The following ADGRL2 variants were observed in gnomAD, a reference collection of about 807,000 sequenced individuals.
ADGRL2 encodes the protein calcium-independent alpha-latrotoxin receptor 2.
ADGRL2 carries 44 observed loss-of-function variants against 157.4 expected under a neutral mutation model. That is an observed-to-expected ratio of 0.28 (90% CI 0.22 to 0.36). The LOEUF (loss-of-function observed/expected upper bound fraction) is 0.36, where lower values mean the gene tolerates loss of function less well. Ranked by LOEUF, ADGRL2 falls within the 10% of genes least tolerant of loss-of-function variation. The pLI is 1.00. For synonymous variants in ADGRL2, 585 were observed against 624.7 expected, an observed-to-expected ratio of 0.94 and a Z score of 0.95; for missense variants, 1,510 against 1,768.9, an observed-to-expected ratio of 0.85 and a Z score of 2.63.
At chr1:81,463,961 A>G (rs2077995688) in intron 2 of ADGRL2, among the ~76,000 whole-genome samples, 1 of 151,888 alleles carries the variant, frequency 6.6e-6, no homozygotes, top group African/African-American at 2.4e-5. Flanking sequence ...TTTCCTTCCT[A>G]CTTCCTCTCT....
intron 1 of ADGRL2, among the ~76,000 whole-genome samples, chr1:81,371,465 T>C (rs1453991599): frequency 2.0e-5 from 3 of 152,208 alleles, no homozygotes; most frequent in Non-Finnish European, 4.4e-5. Context: ...CCACTAAAAA[T>C]CTTACACGTT....
chr1:81,851,254 A>G (rs1450263241), intron 2 of ADGRL2, among the ~76,000 whole-genome samples: 2 of 151,954 alleles, frequency 1.3e-5, no homozygotes, highest in Non-Finnish European at 1.5e-5. Context: ...GTAATAACCT[A>G]CACTGAAGTC....
chr1:81,707,048 A>T (rs9725841), intron 1 of ADGRL2, among the ~76,000 whole-genome samples: 19,393 of 152,172 alleles, frequency 0.13, 1,294 homozygotes, highest in South Asian at 0.15. Context: ...AGGGTGAGGA[A>T]AGTAGTACAA....
chr1:81,322,882 C>T lies in ADGRL2; in HGVS notation c.-302+16373C>T, dbSNP rs751650458. Among the ~76,000 whole-genome samples the T allele has an allele frequency of 5.9e-5, 9 of 152,006 alleles. No individual in the cohort carries two copies. The South Asian group carries it at 6.2e-4, about 10-fold the overall frequency. On this transcript the variant is annotated intron_variant, in intron 1 of 24. Coordinates refer to the ADGRL2 transcript ENST00000370721. ...TGTTTTTTGTTTGTTTGTTGAGACA[C>T]GGCCTCACTCTGTTGCCCAGGCTGG... is the stretch of plus-strand genomic sequence containing the variant.
At chr1:81,656,024 C>G (rs189493104) in intron 3 of ADGRL2, among the ~76,000 whole-genome samples, 12 of 152,326 alleles carry the variant, frequency 7.9e-5, no homozygotes, top group African/African-American at 2.4e-4. Context: ...CTCCTTCAAA[C>G]AGAGTATACC....
intron 2 of ADGRL2, among the ~76,000 whole-genome samples, chr1:81,547,842 C>T (rs2080055285): frequency 6.6e-6 from 1 of 152,184 alleles, no homozygotes; most frequent in African/African-American, 2.4e-5. Context: ...AGTGTCAGTG[C>T]TTTAATTTAC....
chr1:81,789,875 T>TA (rs1468884760), intron 2 of ADGRL2, among the ~76,000 whole-genome samples: 1 of 152,148 alleles, frequency 6.6e-6, no homozygotes, highest in African/African-American at 2.4e-5. Context: ...AAAAATTGGT[T>TA]AAAAAGGCTT....
chr1:81,307,588 G>A (rs968398622), intron 1 of ADGRL2, among the ~76,000 whole-genome samples: 2 of 152,032 alleles, frequency 1.3e-5, no homozygotes, highest in East Asian at 1.9e-4. Flanking sequence ...TTGACATGTG[G>A]CTATGACAAG....
intron 20 of ADGRL2, among the ~76,000 whole-genome samples, chr1:81,985,008 A>C (rs1228773313): frequency 6.6e-6 from 1 of 152,102 alleles, no homozygotes; most frequent in East Asian, 1.9e-4. Context: ...TTGAATAATC[A>C]GTGATCTCCA....
intron 2 of ADGRL2, among the ~76,000 whole-genome samples, chr1:81,492,833 A>G (rs1358318505): frequency 6.6e-6 from 1 of 152,214 alleles, no homozygotes; most frequent in Admixed American, 6.5e-5. Flanking sequence ...GTAGGGACTG[A>G]TGAATAGAGT....
At chr1:81,828,776 T>A (rs935528000) in intron 1 of ADGRL2, among the ~76,000 whole-genome samples, 6 of 152,218 alleles carry the variant, frequency 3.9e-5, no homozygotes, top group Admixed American at 2.6e-4. Context: ...TAAATTTTAA[T>A]TTAATGGAAG....
chr1:81,707,388 G>A (rs529512842), intron 1 of ADGRL2, among the ~76,000 whole-genome samples: 3 of 152,240 alleles, frequency 2.0e-5, no homozygotes, highest in Non-Finnish European at 2.9e-5. Context: ...ATCCTCATAG[G>A]AGAATGTGAA....
intron 2 of ADGRL2, among the ~76,000 whole-genome samples, chr1:81,497,137 A>C (rs1333845283): frequency 2.6e-5 from 4 of 152,198 alleles, no homozygotes; most frequent in Non-Finnish European, 5.9e-5. Context: ...ATTTTTTGCC[A>C]TAACACTGTG....
At chr1:81,553,256 A>G (rs1226875905) in intron 2 of ADGRL2, among the ~76,000 whole-genome samples, 1 of 152,228 alleles carries the variant, frequency 6.6e-6, no homozygotes, top group Admixed American at 6.5e-5. Flanking sequence ...TATAATAAAG[A>G]TTAGATTATA....
intron 2 of ADGRL2, among the ~76,000 whole-genome samples, chr1:81,876,287 A>T (rs1163479368): frequency 1.3e-5 from 2 of 152,112 alleles, no homozygotes; most frequent in Non-Finnish European, 2.9e-5. Context: ...TTGTAAGTTA[A>T]ATACCTTTTA....
At chr1:81,685,765 G>T (rs2083216199) in intron 3 of ADGRL2, among the ~76,000 whole-genome samples, 1 of 152,192 alleles carries the variant, frequency 6.6e-6, no homozygotes, top group Non-Finnish European at 1.5e-5. Flanking sequence ...TATGTTGGCT[G>T]TGGGTTTGAC....
intron 2 of ADGRL2, among the ~76,000 whole-genome samples, chr1:81,542,111 T>G (rs952068963): frequency 1.4e-4 from 22 of 152,230 alleles, no homozygotes; most frequent in Non-Finnish European, 2.6e-4. Flanking sequence ...TTATTGGCAT[T>G]GGAGAACTTC....
chr1:81,911,883 T>G (rs2094731498), intron 3 of ADGRL2, among the ~76,000 whole-genome samples: 1 of 150,660 alleles, frequency 6.6e-6, no homozygotes, highest in Non-Finnish European at 1.5e-5. Flanking sequence ...CCCATTTTTT[T>G]TTTTTTTTTT....
chr1:81,339,151 G>A (rs1014215760), intron 1 of ADGRL2, among the ~76,000 whole-genome samples: 4 of 152,172 alleles, frequency 2.6e-5, no homozygotes, highest in South Asian at 2.1e-4. Flanking sequence ...TATGTATTAA[G>A]AGATAAGGCC....
Sources: allele counts gnomAD v4.1 joint callset (sites outside exome capture counted in the v4.1 genomes callset), GRCh38; gene constraint gnomAD v4.1.1; transcripts MANE v1.5; gene names NCBI Gene and HGNC (gene_info 2026-07-23, HGNC 2026-07-21).